The following PPIG variants were observed in gnomAD, a reference collection of about 807,000 sequenced individuals.
PPIG encodes the protein peptidyl-prolyl cis-trans isomerase G.
A neutral mutation model predicts 87.9 loss-of-function variants in PPIG; 26 were observed. That is an observed-to-expected ratio of 0.30 (90% CI 0.22 to 0.41). The LOEUF is 0.41. Among genes scored for constraint, PPIG ranks in the 10% least tolerant of loss-of-function variants. PPIG has a pLI of 1.00. For synonymous variants in PPIG, 308 were observed against 276.5 expected (o/e 1.11, Z -1.13); for missense variants, 722 against 879.4 (o/e 0.82, Z 2.26).
chr2:169,606,069 A>G lies in PPIG; in HGVS notation c.167A>G (p.Lys56Arg). Residue 56 changes from lysine to arginine, a missense_variant, in exon 5 of 14, where the codon AAA becomes AGA. By Grantham distance (26) the Lys-to-Arg change is conservative (BLOSUM62 2). Transcript: ENST00000260970. ...GEKGTGKSTQ[K>R]PLHYKSCLFH... The stretch of plus-strand genomic sequence containing the variant: ...AAGGGGACCGGGAAATCAACTCAGA[A>G]ACCATTACATTATAAGAGTTGTCTC... The G allele has an allele frequency of 6.2e-7, 1 of 1,613,040 alleles. No individual in the cohort carries two copies. The highest frequency in any genetic ancestry group is 8.5e-7 in the Non-Finnish European group (1 of 1,179,044).
chr2:169,586,602 TTTTGATA>T (rs1684711946), intron 1 of PPIG, among the ~76,000 whole-genome samples: 1 of 152,184 alleles, frequency 6.6e-6, no homozygotes, highest in South Asian at 2.1e-4. Flanking sequence ...TTCTACATAT[TTTTGATA>T]TTTTGCCTTA....
intron 1 of PPIG, among the ~76,000 whole-genome samples, chr2:169,599,128 G>A (rs965077545): frequency 6.6e-6 from 1 of 151,994 alleles, no homozygotes; most frequent in Non-Finnish European, 1.5e-5. Context: ...ATGGATATTT[G>A]TTGTCAAATT....
At position 169,631,718 on chromosome 2, in the gene PPIG, G is replaced by A. The variant is rs749137993; in HGVS notation, c.762-48G>A. On this transcript the variant is annotated intron_variant, in intron 10 of 13. Transcript: ENST00000260970. ...ACCAACAATTGGATACTTCCGTAAG[G>A]ACATAATAACCAACTGTAACTTGTT... 2.5e-6 allele frequency: 4 copies of A among 1,612,038 alleles called. No homozygotes were observed. In the East Asian group the frequency reaches 6.7e-5, roughly 27 times the overall value.
At chr2:169,588,151 G>A (rs1344217038) in intron 1 of PPIG, among the ~76,000 whole-genome samples, 7 of 151,978 alleles carry the variant, frequency 4.6e-5, no homozygotes, top group Non-Finnish European at 7.4e-5. Flanking sequence ...GGAAACGAGC[G>A]AAACTCCATC....
chr2:169,633,482 G>A (rs1414687223), intron 12 of PPIG: 2 of 538,734 alleles, frequency 3.7e-6, no homozygotes, highest in Non-Finnish European at 6.4e-6. Context: ...ATGGGATCGA[G>A]GTCTTTCTTG....
At chr2:169,584,779 C>G (rs1156601012) in intron 1 of PPIG, 11 of 301,732 alleles carry the variant, frequency 3.6e-5, no homozygotes, top group South Asian at 2.9e-4. Context: ...GCGCACACCT[C>G]CCTCACTGAC....
chr2:169,625,236 T>G (rs1325434245), intron 9 of PPIG, among the ~76,000 whole-genome samples: 1 of 152,206 alleles, frequency 6.6e-6, no homozygotes, highest in Non-Finnish European at 1.5e-5. Flanking sequence ...TTTTAAAAAT[T>G]TAATACATTT....
intron 7 of PPIG, among the ~76,000 whole-genome samples, chr2:169,609,399 C>T (rs1371743790): frequency 2.0e-5 from 3 of 151,694 alleles, no homozygotes; most frequent in South Asian, 4.2e-4. Context: ...TTTGTAGAGA[C>T]GGGGTCTCCC....
intron 9 of PPIG, among the ~76,000 whole-genome samples, chr2:169,625,541 T>C (rs1685861060): frequency 6.6e-6 from 1 of 152,166 alleles, no homozygotes; most frequent in South Asian, 2.1e-4. Context: ...CAAATGCTAG[T>C]TTCAATTAGC....
chr2:169,601,336 G>A (rs879933823), intron 1 of PPIG, among the ~76,000 whole-genome samples: 3 of 152,072 alleles, frequency 2.0e-5, no homozygotes, highest in Non-Finnish European at 4.4e-5. Flanking sequence ...CATATGCCAA[G>A]CACTGTTTGA....
intron 9 of PPIG, among the ~76,000 whole-genome samples, chr2:169,616,282 A>G (rs548141727): frequency 6.6e-6 from 1 of 152,146 alleles, no homozygotes; most frequent in South Asian, 2.1e-4. Flanking sequence ...AGGTCTTTGT[A>G]TTTTGAATAG....
intron 1 of PPIG, among the ~76,000 whole-genome samples, chr2:169,602,476 C>T (rs745420899): frequency 7.9e-5 from 12 of 152,152 alleles, no homozygotes; most frequent in East Asian, 7.7e-4. Flanking sequence ...CCACCACAGC[C>T]GGCTAATTTT....
chr2:169,611,676 G>A (rs1685492823), intron 7 of PPIG, among the ~76,000 whole-genome samples: 1 of 152,084 alleles, frequency 6.6e-6, no homozygotes, highest in Non-Finnish European at 1.5e-5. Context: ...TCTCAACAGA[G>A]TATTATAATT....
chr2:169,608,811 G>A (rs1296132412), intron 7 of PPIG, 53 bp downstream of exon 7: 15 of 1,291,616 alleles, frequency 1.2e-5, no homozygotes, highest in African/African-American at 7.4e-5. Flanking sequence ...GGCCGGGCAC[G>A]GTGGCTCATG....
chr2:169,615,891 A>G (rs573708529), intron 9 of PPIG, among the ~76,000 whole-genome samples: 3 of 152,172 alleles, frequency 2.0e-5, no homozygotes, highest in Non-Finnish European at 4.4e-5. Context: ...ATACATGTGC[A>G]GAACATGCCG....
intron 1 of PPIG, among the ~76,000 whole-genome samples, chr2:169,599,882 AT>A (rs1314458026): frequency 1.3e-5 from 2 of 151,846 alleles, no homozygotes; most frequent in African/African-American, 2.4e-5. Context: ...ATTTTCCCCA[AT>A]TTTTTTCTTT....
Position 169,604,059 on chromosome 2 carries a change from A to G in PPIG, c.18A>G (p.Gln6=). 1.9e-6 allele frequency: 3 copies of G among 1,613,916 alleles called. No individual in the cohort carries two copies. Among genetic ancestry groups the G allele is most frequent in the East Asian group, 2.2e-5 (1 of 44,856 alleles). Residue 6 remains glutamine (Q), a synonymous_variant, in exon 3 of 14, where the codon CAA becomes CAG. Coordinates refer to ENST00000260970, the MANE Select transcript of PPIG (RefSeq NM_004792.3). MGIKV[Q]RPRCFFDIAI... is the part of the protein sequence containing the mutation. Reference sequence around the variant, plus strand: ...TTGGAGCCATGGGAATAAAGGTTCAACGTCCTCGATGTTTTTTTGACATTG... The same window carrying G: ...TTGGAGCCATGGGAATAAAGGTTCAGCGTCCTCGATGTTTTTTTGACATTG...
intron 9 of PPIG, among the ~76,000 whole-genome samples, chr2:169,622,187 G>A (rs1021912554): frequency 6.6e-6 from 1 of 152,170 alleles, no homozygotes. Flanking sequence ...TTGGGAGGCC[G>A]AGGTGGACGG....
chr2:169,587,480 T>C (rs1239502396), intron 1 of PPIG, among the ~76,000 whole-genome samples: 2 of 152,102 alleles, frequency 1.3e-5, no homozygotes, highest in Non-Finnish European at 2.9e-5. Flanking sequence ...GACCTCATGA[T>C]CTGCCCACCT....
Sources: allele counts gnomAD v4.1 joint callset (sites outside exome capture counted in the v4.1 genomes callset), GRCh38; gene constraint gnomAD v4.1.1; transcripts MANE v1.5; gene names NCBI Gene and HGNC (gene_info 2026-07-23, HGNC 2026-07-21).